Variants in CENPP observed in about 807,000 individuals in gnomAD.
The protein encoded by CENPP is centromere protein P.
Under a neutral mutation model 35.6 loss-of-function variants are expected in CENPP, and 24 were observed. The observed-to-expected ratio is 0.67, with a 90% CI of 0.49 to 0.95. CENPP has a LOEUF of 0.95. Ranked by LOEUF, CENPP falls within the 40% of genes least tolerant of loss-of-function variation. The pLI, the probability that CENPP is intolerant of heterozygous loss-of-function variation, is 0.00. For missense variants in CENPP, 332 were observed against 345.3 expected, an observed-to-expected ratio of 0.96 and a Z score of 0.31; for synonymous variants, 120 against 125.5, an observed-to-expected ratio of 0.96 and a Z score of 0.29.
At chr9:92,550,395 CA>C (rs34946434) in intron 5 of CENPP, among the ~76,000 whole-genome samples, 10 of 145,844 alleles carry the variant, frequency 6.9e-5, no homozygotes, top group South Asian at 2.2e-4. Flanking sequence ...GACTCTGTCT[CA>C]AAAAAAAAAA....
intron 5 of CENPP, among the ~76,000 whole-genome samples, chr9:92,551,203 C>T (rs1460466046): frequency 1.3e-5 from 2 of 152,102 alleles, no homozygotes; most frequent in Non-Finnish European, 2.9e-5. Flanking sequence ...GGATTGGAAG[C>T]CAGGAATTAT....
At chr9:92,405,308 A>T (rs1325139112) in intron 5 of CENPP, among the ~76,000 whole-genome samples, 1 of 152,108 alleles carries the variant, frequency 6.6e-6, no homozygotes, top group East Asian at 1.9e-4. Flanking sequence ...AGTCACTTTT[A>T]AAAAATTCCT....
At chr9:92,408,675 T>C (rs1451825430) in intron 5 of CENPP, among the ~76,000 whole-genome samples, 1 of 152,136 alleles carries the variant, frequency 6.6e-6, no homozygotes, top group Non-Finnish European at 1.5e-5. Flanking sequence ...GTGTGCACTT[T>C]AGGATGTTTA....
intron 5 of CENPP, among the ~76,000 whole-genome samples, chr9:92,443,008 C>T (rs918492207): frequency 6.6e-6 from 1 of 152,020 alleles, no homozygotes; most frequent in African/African-American, 2.4e-5. Context: ...GAGAACAAGG[C>T]AAGAATATCT....
At chr9:92,495,487 C>T in intron 5 of CENPP, 10 of 983,872 alleles carry the variant, frequency 1.0e-5, no homozygotes, top group Non-Finnish European at 1.2e-5. Flanking sequence ...TTAGATTTAC[C>T]TTTACAAGGT....
chr9:92,425,616 G>A (rs1843944960), intron 5 of CENPP, among the ~76,000 whole-genome samples: 1 of 152,104 alleles, frequency 6.6e-6, no homozygotes, highest in African/African-American at 2.4e-5. Context: ...CCTCAAAAAA[G>A]TGTTTTCCAT....
intron 5 of CENPP, among the ~76,000 whole-genome samples, chr9:92,552,517 A>AT (rs1023863275): frequency 1.3e-5 from 2 of 151,662 alleles, no homozygotes; most frequent in African/African-American, 4.8e-5. Context: ...CTGTTTTTTG[A>AT]TTTTTTTATT....
chr9:92,386,781 A>C (rs1267079568), intron 5 of CENPP, among the ~76,000 whole-genome samples: 1 of 152,052 alleles, frequency 6.6e-6, no homozygotes, highest in Non-Finnish European at 1.5e-5. Flanking sequence ...ACGAGGTTTC[A>C]CCATGTTGGC....
chr9:92,410,973 A>G (rs566753386), intron 5 of CENPP, among the ~76,000 whole-genome samples: 2 of 152,026 alleles, frequency 1.3e-5, no homozygotes, highest in Admixed American at 1.3e-4. Context: ...CTTATATCAG[A>G]TTCCTTTTTT....
At chr9:92,381,621 A>G (rs968579843) in intron 5 of CENPP, among the ~76,000 whole-genome samples, 20 of 152,052 alleles carry the variant, frequency 1.3e-4, no homozygotes, top group African/African-American at 4.6e-4. Flanking sequence ...TTGCTTATCC[A>G]TTCATTTGCT....
chr9:92,337,542 T>C lies in CENPP; in HGVS notation c.291T>C (p.Ser97=). The C allele has an allele frequency of 2.6e-6, 4 of 1,561,662 alleles. No homozygotes were observed. Among genetic ancestry groups the C allele is most frequent in the Non-Finnish European group, 3.5e-6 (4 of 1,132,982 alleles). ...AATATTTGTTTTTCTGCTTTACAGG[T>C]ATTAGAAAAGTTCTACAGAGACACA... ...DLTSTEMTEK[S]IRKVLQRHRL... The change falls in exon 3 of 8, where the codon AGT becomes AGC. Residue 97 remains serine, a splice_region_variant and synonymous_variant. Coordinates refer to ENST00000375587, the MANE Select transcript of CENPP (RefSeq NM_001012267.3).
intron 5 of CENPP, chr9:92,510,073 C>A: frequency 6.4e-7 from 1 of 1,567,940 alleles, no homozygotes; most frequent in Non-Finnish European, 8.6e-7. Flanking sequence ...TTTATCTAGT[C>A]ACAGCTGTGC....
At chr9:92,475,035 C>G in intron 5 of CENPP, 1 of 1,147,376 alleles carries the variant, frequency 8.7e-7, no homozygotes, top group Admixed American at 3.9e-5. Flanking sequence ...CATTGCTTAG[C>G]TAATCTGAGA....
At chr9:92,338,707 A>G (rs1841011504) in intron 3 of CENPP, among the ~76,000 whole-genome samples, 1 of 151,596 alleles carries the variant, frequency 6.6e-6, no homozygotes, top group Admixed American at 6.6e-5. Flanking sequence ...TAATTATCTC[A>G]CCTATTTTGT....
intron 4 of CENPP, among the ~76,000 whole-genome samples, chr9:92,376,323 A>G (rs1356197210): frequency 1.3e-5 from 2 of 152,138 alleles, no homozygotes. Flanking sequence ...TTTGCCTTTT[A>G]GTATTTTTGA....
At chr9:92,438,004 C>T (rs1223247458) in intron 5 of CENPP, among the ~76,000 whole-genome samples, 1 of 150,832 alleles carries the variant, frequency 6.6e-6, no homozygotes, top group Non-Finnish European at 1.5e-5. Context: ...GATGAGGTCT[C>T]CCTGTGTTGC....
chr9:92,371,706 C>T (rs536530474), intron 4 of CENPP, among the ~76,000 whole-genome samples: 3 of 151,976 alleles, frequency 2.0e-5, no homozygotes, highest in African/African-American at 7.2e-5. Flanking sequence ...GTGTTGATGT[C>T]CCCCATTATT....
chr9:92,385,763 C>T lies in CENPP; in HGVS notation c.564+5904C>T, dbSNP rs754252404. ...GTGTCATTAGCCTTGCAGAATGTGT[C>T]ATCTGTAATTGAAGCTATGTTGTTG... is the stretch of plus-strand genomic sequence containing the variant. On this transcript the variant is annotated intron_variant, in intron 5 of 7. Transcript: ENST00000375587. 1.9e-5 allele frequency: 30 copies of T among 1,613,846 alleles called. No homozygotes were observed. Among genetic ancestry groups the T allele is most frequent in the East Asian group, 1.6e-4 (7 of 44,876 alleles).
At position 92,581,552 on chromosome 9, in the gene CENPP, T is replaced by A. The variant is rs111289139; in HGVS notation, c.565-29762T>A. On this transcript the variant is annotated intron_variant, in intron 5 of 7. Coordinates refer to ENST00000375587, the MANE Select transcript of CENPP (RefSeq NM_001012267.3). ...AACCAGGAAGCAGTGGTAGCTTCGT[T>A]ACTCTCAGAGAAAATAATAGCATAC... is the stretch of plus-strand genomic sequence containing the variant. 2.3e-4 allele frequency among the ~76,000 whole-genome samples: 35 copies of A among 152,270 alleles called. 1 individual carries two copies. The highest frequency in any genetic ancestry group is 8.4e-4 in the African/African-American group (35 of 41,548).
Sources: allele counts gnomAD v4.1 joint callset (sites outside exome capture counted in the v4.1 genomes callset), GRCh38; gene constraint gnomAD v4.1.1; transcripts MANE v1.5; gene names NCBI Gene and HGNC (gene_info 2026-07-23, HGNC 2026-07-21).